The following DPP10 variants were observed in gnomAD, a reference collection of about 807,000 sequenced individuals.
The protein encoded by DPP10 is inactive dipeptidyl peptidase 10.
In DPP10, 33 loss-of-function variants were observed where a neutral mutation model predicts 120.9. The observed-to-expected ratio is 0.27, with a 90% CI of 0.21 to 0.37. The LOEUF (loss-of-function observed/expected upper bound fraction) is 0.37, where lower values mean the gene tolerates loss of function less well. DPP10 is among the 10% of genes least tolerant of loss of function. The pLI, the probability that DPP10 is intolerant of heterozygous loss-of-function variation, is 1.00. For synonymous variants in DPP10, 337 were observed against 326.1 expected (o/e 1.03, Z -0.36); for missense variants, 816 against 942.8 (o/e 0.87, Z 1.76).
At chr2:114,895,035 A>T (rs539137854) in intron 1 of DPP10, among the ~76,000 whole-genome samples, 1 of 152,296 alleles carries the variant, frequency 6.6e-6, no homozygotes, top group East Asian at 1.9e-4. Context: ...TCTCATCTAC[A>T]AAAAGAGATA....
At chr2:114,587,507 G>A (rs1408493675) in intron 1 of DPP10, among the ~76,000 whole-genome samples, 5 of 151,778 alleles carry the variant, frequency 3.3e-5, no homozygotes, top group East Asian at 1.9e-4. Context: ...AGTTATCTAA[G>A]TCATATTTAT....
intron 5 of DPP10, among the ~76,000 whole-genome samples, chr2:115,532,028 T>C (rs1236332177): frequency 6.6e-6 from 1 of 152,124 alleles, no homozygotes; most frequent in African/African-American, 2.4e-5. Flanking sequence ...CACTCTACTG[T>C]TGATTAGATT....
At chr2:115,668,969 G>A (rs2149435222) in intron 5 of DPP10, among the ~76,000 whole-genome samples, 1 of 152,212 alleles carries the variant, frequency 6.6e-6, no homozygotes, top group South Asian at 2.1e-4. Flanking sequence ...TGCCCAGAAT[G>A]TATTTCAGGC....
chr2:114,913,989 C>A (rs1413310109), intron 1 of DPP10, among the ~76,000 whole-genome samples: 1 of 152,010 alleles, frequency 6.6e-6, no homozygotes, highest in East Asian at 1.9e-4. Context: ...AGCTCAAAGA[C>A]CACTTCTTCA....
intron 1 of DPP10, among the ~76,000 whole-genome samples, chr2:114,701,323 A>G (rs1343947009): frequency 6.6e-6 from 1 of 152,044 alleles, no homozygotes. Context: ...ATAGATGAGA[A>G]TGCTAGGATT....
intron 1 of DPP10, among the ~76,000 whole-genome samples, chr2:114,774,298 A>G (rs1681534633): frequency 2.0e-5 from 3 of 152,080 alleles, no homozygotes; most frequent in East Asian, 3.9e-4. Context: ...TTCATGCACT[A>G]CATTCCATAA....
intron 3 of DPP10, among the ~76,000 whole-genome samples, chr2:115,498,447 A>G (rs2076516997): frequency 6.6e-6 from 1 of 151,958 alleles, no homozygotes; most frequent in African/African-American, 2.4e-5. Flanking sequence ...TACTTGTTTT[A>G]TAACTTTGCA....
intron 1 of DPP10, among the ~76,000 whole-genome samples, chr2:115,238,329 T>G (rs1347173217): frequency 2.0e-5 from 3 of 152,170 alleles, no homozygotes; most frequent in African/African-American, 7.2e-5. Context: ...ACCTACTGCT[T>G]AAAGAAACAA....
intron 1 of DPP10, among the ~76,000 whole-genome samples, chr2:114,780,546 T>C (rs1176183139): frequency 6.6e-6 from 1 of 152,122 alleles, no homozygotes; most frequent in African/African-American, 2.4e-5. Context: ...TATTTATTTG[T>C]TATCACTAAA....
intron 1 of DPP10, among the ~76,000 whole-genome samples, chr2:114,657,405 TTCAAA>T (rs1476445080): frequency 6.6e-6 from 1 of 152,176 alleles, no homozygotes; most frequent in African/African-American, 2.4e-5. Context: ...GCTTGAGAAT[TTCAAA>T]TATTAACATA....
intron 1 of DPP10, among the ~76,000 whole-genome samples, chr2:115,067,910 T>G (rs1181605752): frequency 5.9e-5 from 8 of 136,380 alleles, no homozygotes; most frequent in East Asian, 2.2e-4. Flanking sequence ...CCTGTGTGGG[T>G]GTGTGGGGGT....
intron 3 of DPP10, among the ~76,000 whole-genome samples, chr2:115,456,691 T>A (rs2073572958): frequency 6.6e-6 from 1 of 152,136 alleles, no homozygotes; most frequent in Admixed American, 6.5e-5. Context: ...ACCATCATTC[T>A]CAGCAAACTA....
Position 114,560,327 on chromosome 2 carries a change from A to T in DPP10, c.60+117489A>T, listed in dbSNP as rs115254656. ...GTTTCTTACCACTATAATTTTTTTT[A>T]AATAAAATTAAAGAAGCAAGCAAGC... On this transcript the variant is annotated intron_variant, in intron 1 of 25. Transcript: ENST00000410059. Among the ~76,000 whole-genome samples the T allele has an allele frequency of 6.5e-3, 990 of 152,278 alleles. 11 individuals are homozygous for T. Among genetic ancestry groups the T allele is most frequent in the African/African-American group, 0.022 (921 of 41,570 alleles).
chr2:114,610,966 C>G (rs1462126041), intron 1 of DPP10, among the ~76,000 whole-genome samples: 1 of 152,072 alleles, frequency 6.6e-6, no homozygotes, highest in Non-Finnish European at 1.5e-5. Context: ...TTCTGCCATT[C>G]AGCACTGAGT....
At chr2:114,985,607 A>G (rs1700347376) in intron 1 of DPP10, among the ~76,000 whole-genome samples, 1 of 152,218 alleles carries the variant, frequency 6.6e-6, no homozygotes, top group Non-Finnish European at 1.5e-5. Flanking sequence ...CAAATGAGCC[A>G]AGGAAAATGG....
Position 115,389,278 on chromosome 2 carries a change from A to AACACAC in DPP10, c.271+45383_271+45388dup, listed in dbSNP as rs3980953. Among the ~76,000 whole-genome samples the AACACAC allele has an allele frequency of 7.6e-3, 1,134 of 149,722 alleles. 13 individuals carry two copies. Among genetic ancestry groups the AACACAC allele is most frequent in the African/African-American group, 0.023 (946 of 40,942 alleles). ...CTTTTACTAAACACACACACACACA[A>AACACAC]ACACACACACACACACACACACTCA... is the stretch of plus-strand genomic sequence containing the variant. On this transcript the variant is annotated intron_variant, in intron 3 of 25. Transcript: ENST00000410059.
At chr2:114,485,301 C>T (rs770485110) in intron 1 of DPP10, among the ~76,000 whole-genome samples, 1 of 152,058 alleles carries the variant, frequency 6.6e-6, no homozygotes, top group Non-Finnish European at 1.5e-5. Flanking sequence ...TGGGCACTGG[C>T]AGAGCGGTGG....
intron 8 of DPP10, among the ~76,000 whole-genome samples, chr2:115,738,029 G>C (rs1444846582): frequency 6.6e-6 from 1 of 152,094 alleles, no homozygotes; most frequent in Non-Finnish European, 1.5e-5. Flanking sequence ...ACATACAGCA[G>C]CATTCAACCA....
At chr2:115,064,638 G>A in intron 1 of DPP10, 4 of 1,275,942 alleles carry the variant, frequency 3.1e-6, no homozygotes, top group Non-Finnish European at 4.1e-6. Flanking sequence ...ACTTATATGT[G>A]AATAGCAAAG....
Sources: allele counts gnomAD v4.1 joint callset (sites outside exome capture counted in the v4.1 genomes callset), GRCh38; gene constraint gnomAD v4.1.1; transcripts MANE v1.5; gene names NCBI Gene and HGNC (gene_info 2026-07-23, HGNC 2026-07-21).